Variants in FLT4 observed in about 807,000 individuals in gnomAD.
FLT4 encodes the protein fms related receptor tyrosine kinase 4.
A neutral mutation model predicts 163.2 loss-of-function variants in FLT4; 30 were observed. That is an observed-to-expected ratio of 0.18 (90% CI 0.14 to 0.25). The LOEUF is 0.25. Ranked by LOEUF, FLT4 falls within the 10% of genes least tolerant of loss-of-function variation. FLT4 has a pLI of 1.00. For missense variants in FLT4, 1,510 were observed against 1,863.8 expected (o/e 0.81, Z 3.50); for synonymous variants, 884 against 789.5 (o/e 1.12, Z -2.01).
intron 29 of FLT4, among the ~76,000 whole-genome samples, chr5:180,603,835 C>T (rs1388942095): frequency 1.3e-5 from 2 of 151,518 alleles, no homozygotes; most frequent in Non-Finnish European, 2.9e-5. Flanking sequence ...ACCCGGGAGG[C>T]GGAGCTTGCA....
intron 1 of FLT4, among the ~76,000 whole-genome samples, chr5:180,648,896 G>A (rs1442737346): frequency 6.6e-6 from 1 of 152,160 alleles, no homozygotes; most frequent in Non-Finnish European, 1.5e-5. Context: ...CTCAAGATTC[G>A]TCTCAAGTGC....
At chr5:180,619,952 G>A (rs1005374370) in intron 17 of FLT4, among the ~76,000 whole-genome samples, 183 bp from the exon 18 acceptor site, 1 of 152,202 alleles carries the variant, frequency 6.6e-6, no homozygotes, top group Non-Finnish European at 1.5e-5. Flanking sequence ...CCGGGTAGGT[G>A]TGACAGATAC....
At chr5:180,609,148 G>T in intron 28 of FLT4, 95 bp from the exon 29 acceptor site, 2 of 1,025,864 alleles carry the variant, frequency 1.9e-6, no homozygotes, top group Non-Finnish European at 3.1e-6. Context: ...TGGTCCTGCA[G>T]CGCGGCTGAC....
At chr5:180,648,775 C>T (rs981957802) in intron 1 of FLT4, among the ~76,000 whole-genome samples, 3 of 152,238 alleles carry the variant, frequency 2.0e-5, no homozygotes, top group African/African-American at 4.8e-5. Context: ...AGGGGACCCT[C>T]CCGCGGGGGC....
Position 180,629,828 on chromosome 5 carries a change from C to A in FLT4, c.684G>T (p.Glu228Asp). The A allele has an allele frequency of 6.2e-7, 1 of 1,612,600 alleles. No individual in the cohort carries two copies. Among genetic ancestry groups the A allele is most frequent in the Non-Finnish European group, 8.5e-7 (1 of 1,179,872 alleles). Residue 228 changes from glutamate (E) to aspartate (D), a missense_variant, in exon 6 of 30, where the codon GAG becomes GAT. Glu to Asp is a conservative substitution (Grantham distance 45). This residue lies in a region of FLT4 where 163 missense variants were observed against 281.1 expected (regional missense o/e 0.58). Transcript: ENST00000261937. ...TGGGCAACAGCTGGATGTCATAGAG[C>A]TCGTTGCCTGTTGACACGCACACAG... Reference protein sequence around the residue: ...NPFLVHITGNELYDIQLLPRK... With the variant: ...NPFLVHITGNDLYDIQLLPRK...
intron 1 of FLT4, among the ~76,000 whole-genome samples, chr5:180,646,734 C>A (rs1257661591): frequency 6.6e-6 from 1 of 152,098 alleles, no homozygotes; most frequent in Admixed American, 6.5e-5. Context: ...CCCGAACAGG[C>A]ACTATGCTGG....
At chr5:180,646,484 A>G (rs1765499265) in intron 1 of FLT4, among the ~76,000 whole-genome samples, 1 of 152,056 alleles carries the variant, frequency 6.6e-6, no homozygotes, top group African/African-American at 2.4e-5. Flanking sequence ...CTGGGGCTTC[A>G]TGGGGTTCTT....
rs2127806792 is a variant in FLT4 at position 180,618,833 on chromosome 5, C to T, written c.2938G>A (p.Val980Ile). 5 of 1,584,396 alleles carry T rather than the reference C, an allele frequency of 3.2e-6. No homozygotes were observed. The highest frequency in any genetic ancestry group is 3.4e-6 in the Non-Finnish European group (4 of 1,166,012). Residue 980 changes from valine (V) to isoleucine (I), a missense_variant, in exon 21 of 30, where the codon GTC becomes ATC. Physicochemically the swap from Val to Ile is conservative, Grantham distance 29 (BLOSUM62 3). Transcript: ENST00000261937. Reference protein sequence around the residue: ...DRRRPGSSDRVLFARFSKTEG... With the variant: ...DRRRPGSSDRILFARFSKTEG... ...GTCTTCGAGAACCGCGCGAAGAGGA[C>T]CCTGTCGCTGCTCCCCGGCCGCCTC...
At chr5:180,650,251 G>GCCGCACC (rs1765672026), upstream of FLT4, among the ~76,000 whole-genome samples, 1 of 151,302 alleles carries the variant, frequency 6.6e-6, no homozygotes, top group Admixed American at 6.6e-5. Context: ...GTCGACGGAA[G>GCCGCACC]CCGCACCCGT....
rs1450801619 is a variant in FLT4, at chr5:180,610,004, A to G, written c.3708T>C (p.Phe1236=). Residue 1236 remains phenylalanine, a synonymous_variant, in exon 28 of 30, where the codon TTT becomes TTC. Transcript: ENST00000261937. The part of the protein sequence containing the change: ...LAARYYNWVS[F]PGCLARGAET... ...CAGCCCCTCTGGCCAGGCACCCGGGAAAGGACACCCAGTTGTAATACCTGT... is the reference window on the plus strand; with the variant it reads ...CAGCCCCTCTGGCCAGGCACCCGGGGAAGGACACCCAGTTGTAATACCTGT... 1 of 1,614,014 alleles carries G rather than the reference A, an allele frequency of 6.2e-7. No individual in the cohort carries two copies. The highest frequency in any genetic ancestry group is 8.5e-7 in the Non-Finnish European group (1 of 1,180,010).
chr5:180,628,264 G>C (rs1349941756), intron 8 of FLT4, among the ~76,000 whole-genome samples: 8 of 152,194 alleles, frequency 5.3e-5, no homozygotes, highest in African/African-American at 1.9e-4. Flanking sequence ...TGTTTGTGAG[G>C]GGTGCCATGC....
chr5:180,621,419 G>A, intron 13 of FLT4, 123 bp downstream of exon 13: 1 of 1,453,814 alleles, frequency 6.9e-7, no homozygotes, highest in East Asian at 2.3e-5. Flanking sequence ...TAGTCAGGAG[G>A]GGTAGCTCCT....
Position 180,622,942 on chromosome 5 carries a change from TG to T in FLT4, c.1549-104del, listed in dbSNP as rs57833701. 0.011 allele frequency: 8,752 copies of T among 769,248 alleles called. 541 individuals are homozygous for T. In the African/African-American group the frequency reaches 0.13, roughly 12 times the overall value. 47.7% of individuals were successfully genotyped at this position (769,248 alleles called of 1,614,324 possible). ...CGCTGTGCACCACCCCCCCCAATCA[TG>T]GGGGAAACTGAGGCTTTGGGCTGGA... On this transcript the variant is annotated intron_variant, in intron 11 of 29. Transcript: ENST00000261937.
chr5:180,611,253 G>C (rs536858606), intron 27 of FLT4, 78 bp downstream of exon 27: 2 of 1,436,520 alleles, frequency 1.4e-6, no homozygotes, highest in South Asian at 2.3e-5. Flanking sequence ...GCTTTTCCCC[G>C]ATGACGCAGA....
intron 26 of FLT4, among the ~76,000 whole-genome samples, chr5:180,611,888 G>A (rs983577150): frequency 6.6e-6 from 1 of 152,188 alleles, no homozygotes; most frequent in African/African-American, 2.4e-5. Context: ...GGGCTCAGCC[G>A]GATCATCCCT....
At position 180,630,787 on chromosome 5, in the gene FLT4, G is replaced by T. The variant is rs373472320; in HGVS notation, c.168C>A (p.Pro56=). The change falls in exon 3 of 30, where the codon CCC becomes CCA. Residue 56 remains proline, a synonymous_variant. Transcript: ENST00000261937. The surrounding 1 kb of genome is among the most constrained non-coding windows in gnomAD (Gnocchi z 6.3). ...GAGCTCCTGGCCAAGCCCACTCGAG[G>T]GGGTGCTGTCCCCTGGCAGAGGACA... ...SLSISCRGQH[P]LEWAWPGAQE... 6.2e-7 allele frequency: 1 copy of T among 1,604,082 alleles called. No homozygotes were observed. The highest frequency in any genetic ancestry group is 1.3e-5 in the African/African-American group (1 of 74,896).
intron 24 of FLT4, 171 bp from the exon 25 acceptor site, chr5:180,613,281 G>C (rs1214131632): frequency 3.6e-6 from 2 of 557,578 alleles, no homozygotes; most frequent in Admixed American, 6.4e-5. Context: ...TGGGACCTGT[G>C]GGCAAGTCGC....
In FLT4 at chr5:180,620,575, AGAGACTCCATCAGGAGCGGG is replaced by A; in HGVS notation, c.2406+14_2406+33del. 6.7e-7 allele frequency: 1 copy of A among 1,493,986 alleles called. No individual in the cohort carries two copies. The highest frequency in any genetic ancestry group is 1.4e-5 in the African/African-American group (1 of 72,682). The allele number at this position is 1,493,986 out of a possible 1,614,324, so 92.5% of individuals were successfully genotyped here. ...GCGGCCAGGGTGGGGAAGGCCTGAG[AGAGACTCCATCAGGAGCGGG>A]GAGGGACACTCACCCTCCTCATGTT... On this transcript the variant is annotated intron_variant, in intron 16 of 29. Coordinates refer to ENST00000261937, the MANE Select transcript of FLT4 (RefSeq NM_182925.5). The surrounding 1 kb of genome is among the most constrained non-coding windows in gnomAD (Gnocchi z 4.4).
chr5:180,619,751 C>T lies in FLT4; in HGVS notation c.2561G>A (p.Gly854Asp). 6.2e-7 allele frequency: 1 copy of T among 1,612,342 alleles called. No individual in the cohort carries two copies. Among genetic ancestry groups the T allele is most frequent in the Non-Finnish European group, 8.5e-7 (1 of 1,179,796 alleles). ...GGCTTCCACCACCTTCCCGAAGGCG[C>T]CGTAGCCGAGCACTCTCCCTGTCGG... is the stretch of plus-strand genomic sequence containing the variant. ...RLHLGRVLGY[G>D]AFGKVVEASA... The change falls in exon 18 of 30, where the codon GGC becomes GAC. Residue 854 changes from glycine (G) to aspartate (D), a missense_variant. By Grantham distance (94) the Gly-to-Asp change is moderately conservative. Transcript: ENST00000261937.
Sources: gnomAD v4.1 joint callset for allele counts (sites outside exome capture counted in the v4.1 genomes callset) on GRCh38, gnomAD v4.1.1 for gene constraint, gnomAD v4.1.1 regional missense constraint, Gnocchi (gnomAD v3.1) non-coding constraint, MANE v1.5 for transcripts, NCBI Gene and HGNC (gene_info 2026-07-23, HGNC 2026-07-21) for gene names.